The following CCNYL1 variants were observed in gnomAD, a reference collection of about 807,000 sequenced individuals.
The protein encoded by CCNYL1 is cyclin-Y-like protein 1.
A neutral mutation model predicts 44.2 loss-of-function variants in CCNYL1; 16 were observed. The observed-to-expected ratio is 0.36, with a 90% CI of 0.25 to 0.55. CCNYL1 has a LOEUF of 0.55. CCNYL1 is among the 20% of genes least tolerant of loss of function. The pLI is 0.85. For missense variants in CCNYL1, 348 were observed against 451.8 expected (o/e 0.77, Z 2.08); for synonymous variants, 159 against 163.2 (o/e 0.97, Z 0.20).
rs1038978014 is a variant in CCNYL1 at position 207,730,448 on chromosome 2, T to C, written c.331-3499T>C. On this transcript the variant is annotated intron_variant, in intron 3 of 9. Transcript: ENST00000295414. ...ACCACTCCTTTGTCTTTTTCATCTT[T>C]CAAGATTTATTAAAAGTCATCTGCT... 8.6e-4 allele frequency among the ~76,000 whole-genome samples: 131 copies of C among 152,274 alleles called. 1 individual carries two copies. The highest frequency in any genetic ancestry group is 3.0e-3 in the African/African-American group (126 of 41,570).
At chr2:207,733,277 A>C (rs2091743171) in intron 3 of CCNYL1, among the ~76,000 whole-genome samples, 1 of 152,248 alleles carries the variant, frequency 6.6e-6, no homozygotes, top group South Asian at 2.1e-4. Context: ...TGAGGTTCTC[A>C]TTTGAATAAT....
Position 207,744,950 on chromosome 2 carries a change from A to G in CCNYL1, c.640-2097A>G, listed in dbSNP as rs2091843682. ...AACTTGAATGTAGGTATTTGGTCTCAGCAACTAGGTGAATGGAAATGCCCT... is the reference window on the plus strand; with the variant it reads ...AACTTGAATGTAGGTATTTGGTCTCGGCAACTAGGTGAATGGAAATGCCCT... On this transcript the variant is annotated intron_variant, in intron 7 of 9. Coordinates refer to ENST00000295414, the MANE Select transcript of CCNYL1 (RefSeq NM_001330218.2). 2.0e-5 allele frequency among the ~76,000 whole-genome samples: 3 copies of G among 152,332 alleles called. No individual in the cohort carries two copies. The South Asian group carries it at 6.2e-4, about 32-fold the overall frequency.
chr2:207,747,134 G>T lies in CCNYL1; in HGVS notation c.727G>T (p.Ala243Ser). Residue 243 changes from alanine (A) to serine (S), a missense_variant, in exon 8 of 10, where the codon GCC (alanine) becomes TCC (serine). Physicochemically the swap from Ala to Ser is moderately conservative, Grantham distance 99. Transcript: ENST00000295414. ...GATTGTTCTGGGAGCCATTCTTCTTGCCTCCAAGGTTTGGGACGATCAGGC... is the reference window on the plus strand; with the variant it reads ...GATTGTTCTGGGAGCCATTCTTCTTTCCTCCAAGGTTTGGGACGATCAGGC... The part of the protein sequence containing the change: ...KRIVLGAILL[A>S]SKVWDDQAVW... 1 of 1,614,128 alleles carries T rather than the reference G, an allele frequency of 6.2e-7. No homozygotes were observed.
intron 7 of CCNYL1, 77 bp from the exon 8 acceptor site, chr2:207,746,970 C>G (rs1045396895): frequency 8.3e-7 from 1 of 1,205,828 alleles, no homozygotes; most frequent in South Asian, 1.5e-5. Context: ...AGTGAAACTC[C>G]GTCTCAAAAA....
intron 9 of CCNYL1, among the ~76,000 whole-genome samples, chr2:207,752,098 T>C (rs2091897102): frequency 6.7e-6 from 1 of 148,796 alleles, no homozygotes; most frequent in Non-Finnish European, 1.5e-5. Flanking sequence ...ATAATTCACT[T>C]GCCACTCTTG....
At position 207,750,800 on chromosome 2, in the gene CCNYL1, T is replaced by C. The variant is rs62189213; in HGVS notation, c.807-157T>C. On this transcript the variant is annotated intron_variant, in intron 8 of 9. Transcript: ENST00000295414. ...ATGCAGAAGGGACCACAAGTAACTG[T>C]ACCTTATGTGAACATTAGTATGTTA... 6.1e-5 allele frequency: 38 copies of C among 627,212 alleles called. No homozygotes were observed. In the East Asian group the frequency reaches 9.9e-4, roughly 16 times the overall value. The allele number at this position is 627,212 out of a possible 1,614,324, so 38.9% of individuals were successfully genotyped here. A position where few individuals can be genotyped will look rare whatever the true frequency, so the allele number is the denominator to read the frequency against.
chr2:207,752,466 G>A (rs1207875629), intron 9 of CCNYL1, among the ~76,000 whole-genome samples: 2 of 151,814 alleles, frequency 1.3e-5, no homozygotes, highest in African/African-American at 4.8e-5. Context: ...CCCGGGAGGC[G>A]GAGGCTGCAG....
chr2:207,723,607 G>A (rs1029698316), intron 1 of CCNYL1, among the ~76,000 whole-genome samples: 7 of 152,100 alleles, frequency 4.6e-5, no homozygotes, highest in African/African-American at 9.7e-5. Flanking sequence ...TGGGCGCGGT[G>A]ACTCACCTCT....
At position 207,727,558 on chromosome 2, in the gene CCNYL1, A is replaced by G. The variant is rs547007866; in HGVS notation, c.330+682A>G. Among the ~76,000 whole-genome samples the G allele has an allele frequency of 2.0e-3, 308 of 152,082 alleles. 1 individual carries two copies. Among genetic ancestry groups the G allele is most frequent in the South Asian group, 3.5e-3 (17 of 4,812 alleles). On this transcript the variant is annotated intron_variant, in intron 3 of 9. Coordinates refer to ENST00000295414, the MANE Select transcript of CCNYL1 (RefSeq NM_001330218.2). Reference sequence around the variant, plus strand: ...TTGTGTGTGTGGAATTAATTTCCTGACTATATTCATTTGGCTGTTTTCTAA... The same window carrying G: ...TTGTGTGTGTGGAATTAATTTCCTGGCTATATTCATTTGGCTGTTTTCTAA...
chr2:207,726,140 G>T (rs1248488028), intron 2 of CCNYL1, among the ~76,000 whole-genome samples: 1 of 152,162 alleles, frequency 6.6e-6, no homozygotes, highest in Non-Finnish European at 1.5e-5. Context: ...AGGAGTGTGT[G>T]CTTGTGATAC....
At chr2:207,718,365 A>T (rs1463844690) in intron 1 of CCNYL1, among the ~76,000 whole-genome samples, 1 of 152,142 alleles carries the variant, frequency 6.6e-6, no homozygotes, top group Middle Eastern at 3.4e-3. Flanking sequence ...TAAATTAGCC[A>T]GGTGTGGTGG....
intron 1 of CCNYL1, 140 bp downstream of exon 1, chr2:207,712,256 C>A: frequency 4.8e-6 from 3 of 628,456 alleles, no homozygotes; most frequent in Non-Finnish European, 8.0e-6. Context: ...TTCTGCCTCG[C>A]GTCCCCACCC....
intron 3 of CCNYL1, among the ~76,000 whole-genome samples, chr2:207,730,982 T>G (rs2091721690): frequency 6.6e-6 from 1 of 152,122 alleles, no homozygotes; most frequent in Non-Finnish European, 1.5e-5. Flanking sequence ...AAGTTTAAAT[T>G]CAACATAATG....
Position 207,713,986 on chromosome 2 carries a change from A to G in CCNYL1, c.220+1870A>G, listed in dbSNP as rs575758260. Among the ~76,000 whole-genome samples the G allele has an allele frequency of 4.6e-5, 7 of 152,308 alleles. No individual in the cohort carries two copies. The East Asian group carries it at 7.7e-4, about 17-fold the overall frequency. ...CAAATAAGGCTCCCACCCAGTGTAC[A>G]TGAAAATACATACTTTCATGTACAT... On this transcript the variant is annotated intron_variant, in intron 1 of 9. Coordinates refer to ENST00000295414, the MANE Select transcript of CCNYL1 (RefSeq NM_001330218.2).
At position 207,715,379 on chromosome 2, in the gene CCNYL1, CTTTTTTTT is replaced by C. The variant is rs770646092; in HGVS notation, c.220+3278_220+3285del. ...CTCGGCTTTGTTCTTCAAGCTATTT[CTTTTTTTT>C]TTTTTTTTTTTTTTGACAGAGCTTC... On this transcript the variant is annotated intron_variant, in intron 1 of 9. Coordinates refer to ENST00000295414, the MANE Select transcript of CCNYL1 (RefSeq NM_001330218.2). 5.2e-4 allele frequency among the ~76,000 whole-genome samples: 52 copies of C among 100,760 alleles called. No individual in the cohort carries two copies. In the Admixed American group the frequency reaches 6.3e-3, roughly 12 times the overall value. 66.1% of individuals were successfully genotyped at this position (100,760 alleles called of 152,430 possible).
At chr2:207,716,616 C>T (rs1269404909) in intron 1 of CCNYL1, among the ~76,000 whole-genome samples, 1 of 152,276 alleles carries the variant, frequency 6.6e-6, no homozygotes, top group Admixed American at 6.5e-5. Flanking sequence ...AATGTACCAT[C>T]AGATGGTTGG....
At chr2:207,725,039 T>G (rs1025342180) in intron 2 of CCNYL1, among the ~76,000 whole-genome samples, 165 bp downstream of exon 2, 27 of 152,244 alleles carry the variant, frequency 1.8e-4, no homozygotes, top group African/African-American at 6.5e-4. Context: ...TTAGTTGTGA[T>G]TGTTTAGTAA....
intron 4 of CCNYL1, among the ~76,000 whole-genome samples, chr2:207,736,076 G>A (rs1013381391): frequency 7.9e-4 from 120 of 152,138 alleles, no homozygotes; most frequent in African/African-American, 2.9e-3. Context: ...GGGACCTTGG[G>A]CAAGTCAGTT....
rs2091911253 is a variant in CCNYL1, at chr2:207,753,671, T to G, written c.1053T>G (p.Ile351Met). The change falls in exon 10 of 10, where the codon ATT becomes ATG. Residue 351 changes from isoleucine (I) to methionine (M), a missense_variant. Transcript: ENST00000295414. ...RSFSADNFIG[I>M]QRSKAILS ...TCAGTGCTGATAACTTCATTGGTATTCAGCGCTCTAAAGCCATCCTCTCTT... is the reference window on the plus strand; with the variant it reads ...TCAGTGCTGATAACTTCATTGGTATGCAGCGCTCTAAAGCCATCCTCTCTT... The G allele has an allele frequency of 1.9e-6, 3 of 1,612,566 alleles. No individual in the cohort carries two copies. The African/African-American group carries it at 4.0e-5, about 22-fold the overall frequency.
Sources: allele counts gnomAD v4.1 joint callset (sites outside exome capture counted in the v4.1 genomes callset), GRCh38; gene constraint gnomAD v4.1.1; transcripts MANE v1.5; gene names NCBI Gene and HGNC (gene_info 2026-07-23, HGNC 2026-07-21).